UBE3C: variants seen among roughly 807,000 people sequenced by gnomAD.
The protein encoded by UBE3C is ubiquitin protein ligase E3C.
A neutral mutation model predicts 129.4 loss-of-function variants in UBE3C; 42 were observed. The observed-to-expected ratio is 0.32, with a 90% confidence interval of 0.25 to 0.42. The LOEUF (loss-of-function observed/expected upper bound fraction) is 0.42, where lower values mean the gene tolerates loss of function less well. Ranked by LOEUF, UBE3C falls within the 10% of genes least tolerant of loss-of-function variation. The probability of loss-of-function intolerance (pLI) is 1.00; values close to 1 mark genes in which losing one functional copy is unlikely to be tolerated. For synonymous variants in UBE3C, 510 were observed against 492.4 expected (o/e 1.04, Z -0.47); for missense variants, 1,049 against 1,319.1 (o/e 0.80, Z 3.17).
chr7:157,218,487 G>A lies in UBE3C; in HGVS notation c.1914+1516G>A, dbSNP rs541941858. Among the ~76,000 whole-genome samples, 274 of 152,138 alleles carry A rather than the reference G, an allele frequency of 1.8e-3. 1 individual carries two copies. The highest frequency in any genetic ancestry group is 3.1e-3 in the Non-Finnish European group (210 of 67,990). On this transcript the variant is annotated intron_variant, in intron 14 of 22. Transcript: ENST00000348165. Reference sequence around the variant, plus strand: ...AAAAAACCATGTCACAGAAATATTCGAGGAGAGAAAACAGGAGTGTTTCAG... The same window carrying A: ...AAAAAACCATGTCACAGAAATATTCAAGGAGAGAAAACAGGAGTGTTTCAG...
chr7:157,164,301 TGCATGCCACCATGCCCA>T (rs1245485791), intron 2 of UBE3C: 1 of 454,212 alleles, frequency 2.2e-6, no homozygotes, highest in Non-Finnish European at 4.4e-6. Context: ...GGACTACAGG[TGCATGCCACCATGCCCA>T]GCTAATTTTT....
chr7:157,169,299 T>A (rs1808301051), intron 3 of UBE3C, among the ~76,000 whole-genome samples, 177 bp downstream of exon 3: 1 of 152,168 alleles, frequency 6.6e-6, no homozygotes, highest in Non-Finnish European at 1.5e-5. Context: ...TTTTAGGTAA[T>A]TTTTAAATAA....
intron 6 of UBE3C, among the ~76,000 whole-genome samples, chr7:157,180,284 T>C (rs1021407624): frequency 6.6e-6 from 1 of 152,248 alleles, no homozygotes; most frequent in Non-Finnish European, 1.5e-5. Context: ...TGTCAGTCTA[T>C]TCAGTAAGTA....
At chr7:157,150,151 G>A (rs1807717688) in intron 1 of UBE3C, among the ~76,000 whole-genome samples, 1 of 152,182 alleles carries the variant, frequency 6.6e-6, no homozygotes, top group South Asian at 2.1e-4. Context: ...GTGGAGGCTG[G>A]CAGATCACTT....
At chr7:157,251,296 G>GT (rs1356494183) in intron 19 of UBE3C, among the ~76,000 whole-genome samples, 2 of 152,050 alleles carry the variant, frequency 1.3e-5, no homozygotes, top group Non-Finnish European at 2.9e-5. Flanking sequence ...TCTCAAATTT[G>GT]TTTTTTTCAG....
intron 11 of UBE3C, among the ~76,000 whole-genome samples, chr7:157,207,095 CTCT>C: frequency 6.6e-6 from 1 of 152,102 alleles, no homozygotes; most frequent in South Asian, 2.1e-4. Context: ...CTTATTAGAG[CTCT>C]TCTTAGGGCC....
At chr7:157,228,616 A>G (rs956480585) in intron 17 of UBE3C, among the ~76,000 whole-genome samples, 2 of 152,210 alleles carry the variant, frequency 1.3e-5, no homozygotes, top group African/African-American at 2.4e-5. Flanking sequence ...GCTGGAGCCA[A>G]ATGGCTTAGA....
chr7:157,230,376 C>G (rs1795989736), intron 17 of UBE3C, among the ~76,000 whole-genome samples: 1 of 150,056 alleles, frequency 6.7e-6, no homozygotes, highest in African/African-American at 2.5e-5. Flanking sequence ...AATACACTAA[C>G]AGTAGCTGAT....
intron 1 of UBE3C, among the ~76,000 whole-genome samples, chr7:157,142,533 A>G (rs572856455): frequency 8.5e-5 from 13 of 152,312 alleles, no homozygotes; most frequent in Middle Eastern, 3.4e-3. Flanking sequence ...GGGTGTAATT[A>G]GGATGGGTGG....
chr7:157,221,658 C>G (rs1795740023), intron 15 of UBE3C: 1 of 152,284 alleles, frequency 6.6e-6, no homozygotes, highest in Admixed American at 6.6e-5. Flanking sequence ...AGGAGAATCG[C>G]TTGAACCCAG....
chr7:157,216,767 G>A (rs1795586112), intron 13 of UBE3C, 100 bp from the exon 14 acceptor site: 5 of 911,468 alleles, frequency 5.5e-6, no homozygotes, highest in African/African-American at 1.7e-5. Flanking sequence ...CTGGGTTCCT[G>A]CACCACCGCT....
intron 1 of UBE3C, among the ~76,000 whole-genome samples, chr7:157,155,050 T>C (rs985608081): frequency 1.3e-5 from 2 of 151,600 alleles, no homozygotes; most frequent in Middle Eastern, 3.2e-3. Context: ...TTGTGCATTA[T>C]GTTTTATAAA....
rs371300314 is a variant in UBE3C at position 157,262,409 on chromosome 7, C to CTTTTTTTTTTTTTT, written c.3082-5162_3082-5149dup. On this transcript the variant is annotated intron_variant, in intron 22 of 22. Transcript: ENST00000348165. Reference sequence around the variant, plus strand: ...AGAATCATGTAAGTCTCTTCATAGGCTTTTTTTTTTTTTTTTTTTTTTTTT... The same window carrying CTTTTTTTTTTTTTT: ...AGAATCATGTAAGTCTCTTCATAGGCTTTTTTTTTTTTTTTTTTTTTTTTTTTTTTTTTTTTTTT... Among the ~76,000 whole-genome samples the CTTTTTTTTTTTTTT allele has an allele frequency of 5.9e-4, 32 of 54,038 alleles. 11 individuals are homozygous for CTTTTTTTTTTTTTT. Among genetic ancestry groups the CTTTTTTTTTTTTTT allele is most frequent in the South Asian group, 5.2e-3 (5 of 958 alleles). 35.5% of individuals were successfully genotyped at this position (54,038 alleles called of 152,430 possible).
At chr7:157,250,486 TAATTTTTGTGTTTTTTATAGAC>T (rs1796595589) in intron 19 of UBE3C, among the ~76,000 whole-genome samples, 1 of 151,526 alleles carries the variant, frequency 6.6e-6, no homozygotes, top group Non-Finnish European at 1.5e-5. Flanking sequence ...CATTCCTGGC[TAATTTTTGTGTTTTTTATAGAC>T]ATGGGTGTCT....
At chr7:157,158,253 A>G (rs1210135424) in intron 1 of UBE3C, among the ~76,000 whole-genome samples, 1 of 151,948 alleles carries the variant, frequency 6.6e-6, no homozygotes, top group Non-Finnish European at 1.5e-5. Flanking sequence ...AATATAATGA[A>G]GCCTTTTGAA....
intron 1 of UBE3C, among the ~76,000 whole-genome samples, chr7:157,141,010 C>T (rs1313967105): frequency 2.0e-5 from 3 of 152,176 alleles, no homozygotes; most frequent in Non-Finnish European, 4.4e-5. Context: ...CTAGCGTTAA[C>T]CCCATCTCAC....
At chr7:157,176,288 T>G (rs1808515463) in intron 5 of UBE3C, among the ~76,000 whole-genome samples, 1 of 152,156 alleles carries the variant, frequency 6.6e-6, no homozygotes, top group South Asian at 2.1e-4. Context: ...TTATTTTTAT[T>G]TTTGAGATAA....
At chr7:157,216,774 C>A in intron 13 of UBE3C, 93 bp from the exon 14 acceptor site, 2 of 991,694 alleles carry the variant, frequency 2.0e-6, no homozygotes, top group South Asian at 1.4e-5. Context: ...CCTGCACCAC[C>A]GCTGTGTGCT....
intron 17 of UBE3C, among the ~76,000 whole-genome samples, chr7:157,226,719 C>CTT (rs142300323): frequency 0.015 from 2,142 of 142,524 alleles, 40 homozygotes; most frequent in African/African-American, 0.047. Context: ...CTATTTCAAG[C>CTT]TTTTTTTTTT....
Sources: gnomAD v4.1 joint callset for allele counts (sites outside exome capture counted in the v4.1 genomes callset) on GRCh38, gnomAD v4.1.1 for gene constraint, MANE v1.5 for transcripts, NCBI Gene and HGNC (gene_info 2026-07-23, HGNC 2026-07-21) for gene names.